TXNRD2: variants seen among roughly 807,000 people sequenced by gnomAD.
The protein encoded by TXNRD2 is thioredoxin reductase 2.
Under a neutral mutation model 70.8 loss-of-function variants are expected in TXNRD2, and 67 were observed. The ratio of observed to expected loss-of-function variants is 0.95; its 90% CI spans 0.78 to 1.16. The LOEUF (loss-of-function observed/expected upper bound fraction) is 1.16, where lower values mean the gene tolerates loss of function less well. Among genes scored for constraint, TXNRD2 ranks in the 50% most tolerant of loss-of-function variants. TXNRD2 has a pLI of 0.00. For missense variants in TXNRD2, 644 were observed against 719.9 expected, an observed-to-expected ratio of 0.89 and a Z score of 1.21; for synonymous variants, 301 against 295.8, an observed-to-expected ratio of 1.02 and a Z score of -0.18.
intron 12 of TXNRD2, chr22:19,881,208 G>A (rs1438678572): frequency 1.2e-5 from 5 of 404,816 alleles, no homozygotes; most frequent in East Asian, 1.1e-4. Context: ...CTGTGCTGGA[G>A]ATCCCTCCGT....
intron 2 of TXNRD2, among the ~76,000 whole-genome samples, chr22:19,924,981 G>GA (rs66630445): frequency 0.016 from 2,193 of 134,216 alleles, 25 homozygotes; most frequent in African/African-American, 0.034. Flanking sequence ...TTAAAGTACT[G>GA]AAAAAAAAAA....
intron 11 of TXNRD2, among the ~76,000 whole-genome samples, chr22:19,888,367 A>G (rs1036139145): frequency 6.6e-6 from 1 of 152,208 alleles, no homozygotes; most frequent in Non-Finnish European, 1.5e-5. Flanking sequence ...CCACCCACAC[A>G]GTCACCATGG....
chr22:19,922,780 G>A (rs1282153631), intron 2 of TXNRD2, among the ~76,000 whole-genome samples: 2 of 152,102 alleles, frequency 1.3e-5, no homozygotes, highest in Non-Finnish European at 2.9e-5. Flanking sequence ...TCCACCTCCT[G>A]GGTTCAAGCG....
At chr22:19,889,771 C>T (rs942869079) in intron 11 of TXNRD2, among the ~76,000 whole-genome samples, 2 of 152,138 alleles carry the variant, frequency 1.3e-5, no homozygotes, top group Admixed American at 6.5e-5. Flanking sequence ...CCACCTCACC[C>T]GGCCCTTTAA....
chr22:19,906,654 G>A (rs1341201380), intron 8 of TXNRD2, among the ~76,000 whole-genome samples: 2 of 152,040 alleles, frequency 1.3e-5, no homozygotes, highest in African/African-American at 4.8e-5. Flanking sequence ...CAGAAATTAT[G>A]GCATAACAGG....
intron 4 of TXNRD2, 61 bp from the exon 5 acceptor site, chr22:19,918,278 C>CA: frequency 7.1e-7 from 1 of 1,403,800 alleles, no homozygotes; most frequent in Admixed American, 1.7e-5. Flanking sequence ...CAGGGCCTCA[C>CA]GATGGACTAT....
chr22:19,892,765 C>T (rs1028136000), intron 11 of TXNRD2, among the ~76,000 whole-genome samples: 18 of 152,108 alleles, frequency 1.2e-4, no homozygotes, highest in African/African-American at 3.6e-4. Flanking sequence ...CGCCACCTCC[C>T]CTTTAGAGTG....
At chr22:19,921,321 G>C (rs111857251) in intron 2 of TXNRD2, among the ~76,000 whole-genome samples, 4 of 151,630 alleles carry the variant, frequency 2.6e-5, no homozygotes, top group Admixed American at 2.0e-4. Flanking sequence ...AGGCTAAGGT[G>C]GGGGGATGGC....
intron 8 of TXNRD2, among the ~76,000 whole-genome samples, chr22:19,909,588 C>CCACA (rs1214937271): frequency 7.4e-4 from 69 of 93,668 alleles, no homozygotes; most frequent in Non-Finnish European, 8.5e-4. Flanking sequence ...CACACACACA[C>CCACA]CACACACACC....
intron 8 of TXNRD2, among the ~76,000 whole-genome samples, chr22:19,909,902 C>CACCACTCACA: frequency 1.1e-5 from 1 of 95,110 alleles, no homozygotes; most frequent in Non-Finnish European, 2.2e-5. Context: ...CACACACACA[C>CACCACTCACA]CACACACCCA....
intron 11 of TXNRD2, chr22:19,883,689 C>T: frequency 1.8e-6 from 1 of 568,340 alleles, no homozygotes; most frequent in South Asian, 1.9e-5. Flanking sequence ...CGTGATGGCT[C>T]ATGCCTATAA....
Position 19,918,896 on chromosome 22 carries a change from T to C in TXNRD2, c.338A>G (p.Tyr113Cys), listed in dbSNP as rs905391308. The C allele has an allele frequency of 1.9e-6, 3 of 1,612,092 alleles. No homozygotes were observed. The highest frequency in any genetic ancestry group is 1.7e-6 in the Non-Finnish European group (2 of 1,179,918). ...CACGGGCTGGGCCACCTCCCAGCCA[T>C]AGTTGGGGGCATCTTGGATCAGGCC... ...LGGLIQDAPNYGWEVAQPVPH... is the reference protein window; with the variant it reads ...LGGLIQDAPNCGWEVAQPVPH... Residue 113 changes from tyrosine to cysteine, a missense_variant, in exon 4 of 18, where the codon TAT (tyrosine) becomes TGT (cysteine). Tyr to Cys is a radical substitution (Grantham distance 194). Around this residue, in one of 3 missense-constraint regions of TXNRD2, gnomAD observed 566 missense variants for 645.0 expected, o/e 0.88. Transcript: ENST00000400521.
intron 2 of TXNRD2, among the ~76,000 whole-genome samples, chr22:19,921,527 A>C (rs1321635271): frequency 6.6e-6 from 1 of 152,146 alleles, no homozygotes; most frequent in Non-Finnish European, 1.5e-5. Flanking sequence ...AAACCCAGGT[A>C]AAATGCATGA....
At chr22:19,877,263 G>A (rs760899471) in intron 16 of TXNRD2, 29 bp from the exon 17 acceptor site, 17 of 1,603,052 alleles carry the variant, frequency 1.1e-5, no homozygotes, top group East Asian at 9.0e-5. Context: ...GGAGGCAGGC[G>A]GGGTCAGCAC....
intron 1 of TXNRD2, chr22:19,933,395 C>G (rs1266248352): frequency 7.9e-7 from 1 of 1,264,812 alleles, no homozygotes; most frequent in South Asian, 1.2e-5. Context: ...TCTCCTCCAG[C>G]TGCCTGGTAG....
intron 17 of TXNRD2, 110 bp from the exon 18 acceptor site, chr22:19,875,917 T>G (rs1195969404): frequency 1.3e-5 from 2 of 151,842 alleles, no homozygotes; most frequent in Non-Finnish European, 2.9e-5. Flanking sequence ...GGGTGAGAAA[T>G]AAACCCAGCA....
Position 19,906,593 on chromosome 22 carries a change from G to A in TXNRD2, c.662+4784C>T, listed in dbSNP as rs540040291. 1.2e-4 allele frequency among the ~76,000 whole-genome samples: 18 copies of A among 152,238 alleles called. No individual in the cohort carries two copies. The South Asian group carries it at 3.7e-3, about 32-fold the overall frequency. ...GCCATGATCGCACCACTGCACTCCA[G>A]CCTGGGCGACAGAGCAAGACCCTGT... is the stretch of plus-strand genomic sequence containing the variant. On this transcript the variant is annotated intron_variant, in intron 8 of 17. Transcript: ENST00000400521.
intron 2 of TXNRD2, among the ~76,000 whole-genome samples, chr22:19,922,740 G>A (rs1002815909): frequency 1.3e-5 from 2 of 152,144 alleles, no homozygotes; most frequent in East Asian, 1.9e-4. Context: ...AGGCTGGAGT[G>A]CAGTGGCGTG....
intron 12 of TXNRD2, 127 bp downstream of exon 12, chr22:19,883,198 C>T (rs1938860670): frequency 7.8e-7 from 1 of 1,289,898 alleles, no homozygotes; most frequent in South Asian, 1.4e-5. Context: ...TGGGGTTTGG[C>T]CCAGAGCCTC....
Sources: gnomAD v4.1 joint callset for allele counts (sites outside exome capture counted in the v4.1 genomes callset) on GRCh38, gnomAD v4.1.1 for gene constraint, gnomAD v4.1.1 regional missense constraint, MANE v1.5 for transcripts, NCBI Gene and HGNC (gene_info 2026-07-23, HGNC 2026-07-21) for gene names.